HSD17B12: variants seen among roughly 807,000 people sequenced by gnomAD.
HSD17B12 encodes the protein very-long-chain 3-oxoacyl-CoA reductase.
A neutral mutation model predicts 39.3 loss-of-function variants in HSD17B12; 32 were observed. The ratio of observed to expected loss-of-function variants is 0.81; its 90% CI spans 0.61 to 1.09. The LOEUF (loss-of-function observed/expected upper bound fraction) is 1.09. Ranked by LOEUF, HSD17B12 falls within the 50% of genes least tolerant of loss-of-function variation. The pLI is 0.00. For synonymous variants in HSD17B12, 150 were observed against 146.7 expected (o/e 1.02, Z -0.16); for missense variants, 342 against 382.9 (o/e 0.89, Z 0.89).
At chr11:43,713,295 C>G (rs966788796) in intron 1 of HSD17B12, among the ~76,000 whole-genome samples, 1 of 119,524 alleles carries the variant, frequency 8.4e-6, no homozygotes, top group African/African-American at 3.2e-5. Context: ...CACCCTACAA[C>G]AGGCCCCAGT....
chr11:43,707,670 T>G (rs2134826922), intron 1 of HSD17B12, among the ~76,000 whole-genome samples: 1 of 152,356 alleles, frequency 6.6e-6, no homozygotes, highest in South Asian at 2.1e-4. Context: ...TTATGGTTTC[T>G]TTAGTGAATC....
intron 4 of HSD17B12, among the ~76,000 whole-genome samples, chr11:43,809,758 C>T (rs1320889215): frequency 6.6e-6 from 1 of 152,170 alleles, no homozygotes; most frequent in African/African-American, 2.4e-5. Context: ...AGACGGATTG[C>T]AGTGAGCTGA....
chr11:43,583,568 G>A, the HSD17B12 span, among the ~76,000 whole-genome samples: 2 of 152,128 alleles, frequency 1.3e-5, no homozygotes, highest in Admixed American at 1.3e-4. Flanking sequence ...GCTTTTTGTG[G>A]CTTTTGGTGT....
rs145439365 is a variant in HSD17B12 at position 43,701,665 on chromosome 11, T to C, written c.160+20678T>C. 3.9e-5 allele frequency among the ~76,000 whole-genome samples: 6 copies of C among 152,346 alleles called. No individual in the cohort carries two copies. In the East Asian group the frequency reaches 1.2e-3, roughly 29 times the overall value. ...GGTGTGCAGATTTGTTTCTGGATTCTCTATTGTGTTGCATTGGTCAGTGTG... is the reference window on the plus strand; with the variant it reads ...GGTGTGCAGATTTGTTTCTGGATTCCCTATTGTGTTGCATTGGTCAGTGTG... On this transcript the variant is annotated intron_variant, in intron 1 of 10. Coordinates refer to ENST00000278353, the MANE Select transcript of HSD17B12 (RefSeq NM_016142.3).
At chr11:43,764,674 A>G (rs1950580494) in intron 3 of HSD17B12, among the ~76,000 whole-genome samples, 1 of 152,104 alleles carries the variant, frequency 6.6e-6, no homozygotes, top group South Asian at 2.1e-4. Flanking sequence ...TTATGGAATG[A>G]CCCTCTTTAT....
intron 3 of HSD17B12, among the ~76,000 whole-genome samples, chr11:43,795,190 G>A (rs1950905623): frequency 6.6e-6 from 1 of 152,136 alleles, no homozygotes; most frequent in Non-Finnish European, 1.5e-5. Context: ...CACATGCAGG[G>A]TAATAGGCTA....
the HSD17B12 span, among the ~76,000 whole-genome samples, chr11:43,669,326 C>T: frequency 6.6e-6 from 1 of 152,014 alleles, no homozygotes; most frequent in South Asian, 2.1e-4. Flanking sequence ...TATGCTGAAA[C>T]CCCGTCTCTA....
chr11:43,569,386 C>T, the HSD17B12 span: 4 of 152,358 alleles, frequency 2.6e-5, no homozygotes, highest in South Asian at 8.3e-4. Flanking sequence ...TTGTCCTAAA[C>T]AGAGCAGCTA....
intron 3 of HSD17B12, among the ~76,000 whole-genome samples, chr11:43,756,690 C>T (rs1950510407): frequency 6.6e-6 from 1 of 152,154 alleles, no homozygotes; most frequent in African/African-American, 2.4e-5. Context: ...ATGAATGAAT[C>T]TACCGTCTAC....
chr11:43,639,814 A>G, the HSD17B12 span, among the ~76,000 whole-genome samples: 2 of 152,192 alleles, frequency 1.3e-5, no homozygotes, highest in African/African-American at 4.8e-5. Flanking sequence ...GTTCTGAGCA[A>G]GATACTTTTC....
At chr11:43,788,672 T>C (rs1950838596) in intron 3 of HSD17B12, among the ~76,000 whole-genome samples, 1 of 130,662 alleles carries the variant, frequency 7.7e-6, no homozygotes. Context: ...TCTGCCACCG[T>C]CATTTCCTTC....
At chr11:43,677,698 G>GT (rs1358730647), upstream of HSD17B12, among the ~76,000 whole-genome samples, 3 of 151,450 alleles carry the variant, frequency 2.0e-5, no homozygotes, top group African/African-American at 7.3e-5. Flanking sequence ...GTGGTGTTGG[G>GT]TTTTTGTCCT....
Position 43,768,997 on chromosome 11 carries a change from C to T in HSD17B12, c.283+14876C>T, listed in dbSNP as rs528665973. Among the ~76,000 whole-genome samples, 4 of 152,352 alleles carry T rather than the reference C, an allele frequency of 2.6e-5. No homozygotes were observed. In the South Asian group the frequency reaches 8.3e-4, roughly 32 times the overall value. ...GACAGAAAAGTTCACGAAGTCCCCA[C>T]CAGACTCAGAAGCTCAGCTGGCTTC... is the stretch of plus-strand genomic sequence containing the variant. On this transcript the variant is annotated intron_variant, in intron 3 of 10. Transcript: ENST00000278353.
At chr11:43,659,350 C>T in the HSD17B12 span, among the ~76,000 whole-genome samples, 21 of 152,338 alleles carry the variant, frequency 1.4e-4, no homozygotes, top group Middle Eastern at 3.4e-3. Flanking sequence ...CCAGGTGAGG[C>T]GATGCCTTGC....
At chr11:43,750,832 T>C (rs1422792997) in intron 1 of HSD17B12, 79 bp from the exon 2 acceptor site, 2 of 911,166 alleles carry the variant, frequency 2.2e-6, no homozygotes, top group Non-Finnish European at 3.5e-6. Flanking sequence ...TCCTTTTGTA[T>C]GTAATTGGTG....
intron 2 of HSD17B12, among the ~76,000 whole-genome samples, chr11:43,752,882 G>A (rs1484730351): frequency 7.9e-5 from 12 of 151,792 alleles, no homozygotes; most frequent in Admixed American, 6.6e-4. Flanking sequence ...GATTAATTTC[G>A]CAAATCATCA....
chr11:43,704,069 C>T (rs10838154), intron 1 of HSD17B12, among the ~76,000 whole-genome samples: 74,413 of 151,950 alleles, frequency 0.49, 18,665 homozygotes, highest in Non-Finnish European at 0.53. Flanking sequence ...GCATTTGGAA[C>T]GTGCTCCCCA....
chr11:43,681,143 G>T, intron 1 of HSD17B12, 156 bp downstream of exon 1: 1 of 1,417,264 alleles, frequency 7.1e-7, no homozygotes, highest in Non-Finnish European at 9.2e-7. Flanking sequence ...TGGCTCCCTT[G>T]GCTGTCTTCT....
At chr11:43,658,230 A>C in the HSD17B12 span, among the ~76,000 whole-genome samples, 1 of 152,042 alleles carries the variant, frequency 6.6e-6, no homozygotes, top group Non-Finnish European at 1.5e-5. Context: ...TTCTCGTGAC[A>C]TGGTTTTCAG....
Sources: gnomAD v4.1 joint callset for allele counts (sites outside exome capture counted in the v4.1 genomes callset) on GRCh38, gnomAD v4.1.1 for gene constraint, MANE v1.5 for transcripts, NCBI Gene and HGNC (gene_info 2026-07-23, HGNC 2026-07-21) for gene names.